MYO7A: variants seen among roughly 807,000 people sequenced by gnomAD.
MYO7A encodes the protein unconventional myosin-VIIa.
Under a neutral mutation model 263.8 loss-of-function variants are expected in MYO7A, and 210 were observed. The observed-to-expected ratio is 0.80, with a 90% CI of 0.71 to 0.89. MYO7A has a LOEUF of 0.89. Among genes scored for constraint, MYO7A ranks in the 40% least tolerant of loss-of-function variants. MYO7A has a pLI of 0.00. For synonymous variants in MYO7A, 1,239 were observed against 1,197.3 expected, an observed-to-expected ratio of 1.03 and a Z score of -0.72; for missense variants, 2,820 against 2,968.3, an observed-to-expected ratio of 0.95 and a Z score of 1.16.
Position 77,202,401 on chromosome 11 carries a change from GGAGTTT to G in MYO7A, c.5146_5151del (p.Glu1716_Phe1717del). On this transcript the variant is annotated inframe_deletion, in exon 37 of 49. Coordinates refer to ENST00000409709, the MANE Select transcript of MYO7A (RefSeq NM_000260.4). ...TGCGTGCCAAGCCCTACACGCTGGAGGAGTTTTCCTATGACTACTTCAGGTGATGCC... is the reference window on the plus strand; with the variant it reads ...TGCGTGCCAAGCCCTACACGCTGGAGTCCTATGACTACTTCAGGTGATGCC... 6.4e-7 allele frequency: 1 copy of G among 1,553,568 alleles called. No individual in the cohort carries two copies. The highest frequency in any genetic ancestry group is 8.7e-7 in the Non-Finnish European group (1 of 1,148,190).
Position 77,179,693 on chromosome 11 carries a change from A to G in MYO7A, c.2368-42A>G, listed in dbSNP as rs1452760229. The G allele has an allele frequency of 4.0e-6, 6 of 1,485,032 alleles. No homozygotes were observed. In the African/African-American group the frequency reaches 6.9e-5, roughly 17 times the overall value. 92.0% of individuals were successfully genotyped at this position (1,485,032 alleles called of 1,614,324 possible). ...CTCCTGCAGGCAGGGTCAGTCTGGA[A>G]TGGGACAGCAGGCTCTGAGCATGGG... On this transcript the variant is annotated intron_variant, in intron 20 of 48. Coordinates refer to ENST00000409709, the MANE Select transcript of MYO7A (RefSeq NM_000260.4).
At chr11:77,167,828 C>T (rs1040382055) in intron 15 of MYO7A, among the ~76,000 whole-genome samples, 7 of 152,264 alleles carry the variant, frequency 4.6e-5, no homozygotes, top group Admixed American at 3.3e-4. Flanking sequence ...TGGATGGTGG[C>T]CTCTCCCCTC....
Position 77,211,849 on chromosome 11 carries a change from C to A in MYO7A, c.6266C>A (p.Ala2089Glu). The change falls in exon 46 of 49, where the codon GCA (alanine) becomes GAA (glutamate). Residue 2089 changes from alanine (A) to glutamate (E), a missense_variant. Ala to Glu is a moderately radical substitution (Grantham distance 107). Transcript: ENST00000409709. ...RSIVAYFNKH[A>E]GKSKEEAKLA... ...ATCGTCGCCTACTTCAACAAGCACG[C>A]AGGGAAGTCCAAGGAGGAGGCCAAG... 1.2e-6 allele frequency: 2 copies of A among 1,613,974 alleles called. No individual in the cohort carries two copies. Among genetic ancestry groups the A allele is most frequent in the Non-Finnish European group, 1.7e-6 (2 of 1,179,852 alleles).
intron 46 of MYO7A, 32 bp from the exon 47 acceptor site, chr11:77,212,920 C>T: frequency 6.6e-7 from 1 of 1,504,926 alleles, no homozygotes. Flanking sequence ...GCTCTGGGCC[C>T]CCATCTGATG....
At chr11:77,149,048 C>G (rs944600047) in intron 4 of MYO7A, among the ~76,000 whole-genome samples, 1 of 152,226 alleles carries the variant, frequency 6.6e-6, no homozygotes, top group East Asian at 1.9e-4. Context: ...GGTCCACACC[C>G]TGACAACTGC....
At position 77,177,639 on chromosome 11, in the gene MYO7A, G is replaced by A. The variant is rs781858669; in HGVS notation, c.2278G>A (p.Asp760Asn). 3.1e-6 allele frequency: 5 copies of A among 1,608,028 alleles called. No individual in the cohort carries two copies. The highest frequency in any genetic ancestry group is 4.2e-6 in the Non-Finnish European group (5 of 1,177,504). Residue 760 changes from aspartate (D) to asparagine (N), a missense_variant, in exon 19 of 49, where the codon GAC (aspartate) becomes AAC (asparagine). Asp to Asn is a conservative substitution (Grantham distance 23, BLOSUM62 1). Coordinates refer to ENST00000409709, the MANE Select transcript of MYO7A (RefSeq NM_000260.4). Reference protein sequence around the residue: ...LLQKVIRGFKDRSNFLKLKNA... With the variant: ...LLQKVIRGFKNRSNFLKLKNA... ...TCAGAAAGTCATCCGGGGATTCAAA[G>A]ACAGGTGCGTGTTCCCACCAGCTCC...
In MYO7A at chr11:77,208,463, G is replaced by T; in HGVS notation, c.5890G>T (p.Asp1964Tyr). The change falls in exon 43 of 49, where the codon GAC becomes TAC. Residue 1964 changes from aspartate to tyrosine, a missense_variant. Physicochemically the swap from Asp to Tyr is radical, Grantham distance 160 (BLOSUM62 -3). Transcript: ENST00000409709. Reference sequence around the variant, plus strand: ...CGTTCCTGAGAATGACTTCTTCTTTGACTTTGTTCGACACTTGACAGACTG... The same window carrying T: ...CGTTCCTGAGAATGACTTCTTCTTTTACTTTGTTCGACACTTGACAGACTG... ...LSVPENDFFF[D>Y]FVRHLTDWIK... The T allele has an allele frequency of 6.2e-7, 1 of 1,613,700 alleles. No individual in the cohort carries two copies. Among genetic ancestry groups the T allele is most frequent in the South Asian group, 1.1e-5 (1 of 90,978 alleles).
intron 18 of MYO7A, 53 bp downstream of exon 18, chr11:77,175,517 GA>G: frequency 6.5e-7 from 1 of 1,536,212 alleles, no homozygotes. Flanking sequence ...AAATTCCCAT[GA>G]TGTGGGCTGG....
At chr11:77,155,323 G>A (rs1452025552) in intron 4 of MYO7A, among the ~76,000 whole-genome samples, 1 of 152,188 alleles carries the variant, frequency 6.6e-6, no homozygotes, top group Non-Finnish European at 1.5e-5. Context: ...ATGGCTGGAG[G>A]TGCTCTGTCC....
chr11:77,161,234 C>A, intron 12 of MYO7A, 119 bp downstream of exon 12: 1 of 1,273,208 alleles, frequency 7.9e-7, no homozygotes, highest in Non-Finnish European at 1.1e-6. Context: ...CCAGGCTGTT[C>A]CGTCATCACG....
chr11:77,199,751 C>A lies in MYO7A; in HGVS notation c.4785C>A (p.Val1595=). 1 of 1,613,208 alleles carries A rather than the reference C, an allele frequency of 6.2e-7. No individual in the cohort carries two copies. The highest frequency in any genetic ancestry group is 1.1e-5 in the South Asian group (1 of 90,970). ...CTGAGGACATTCGTGACCTGGTGGT[C>A]ACCTTCCTAGAGGGGCTCCGGAAGA... ...SNAEDIRDLV[V]TFLEGLRKRS... is the part of the protein sequence containing the mutation. Residue 1595 remains valine (V), a synonymous_variant, in exon 35 of 49, where the codon GTC becomes GTA. Coordinates refer to ENST00000409709, the MANE Select transcript of MYO7A (RefSeq NM_000260.4).
rs376348438 is a variant in MYO7A, at chr11:77,158,397, G to T, written c.970G>T (p.Ala324Ser). The T allele has an allele frequency of 5.4e-5, 87 of 1,612,662 alleles. No individual in the cohort carries two copies. In the Middle Eastern group the frequency reaches 1.2e-3, roughly 21 times the overall value. ...ENWEISKLLA[A>S]ILHLGNLQYE... ...CTGGGAGATCTCGAAGCTCCTGGCT[G>T]CCATCCTGCACCTGGGCAACCTGCA... The change falls in exon 9 of 49, where the codon GCC becomes TCC. Residue 324 changes from alanine to serine, a missense_variant. Ala to Ser is a moderately conservative substitution (Grantham distance 99). Transcript: ENST00000409709.
rs375379370 is a variant in MYO7A, at chr11:77,177,611, C to T, written c.2250C>T (p.Leu750=). ...AAGCCATCACCGACAGAGTCATCCTCCTTCAGAAAGTCATCCGGGGATTCA... is the reference window on the plus strand; with the variant it reads ...AAGCCATCACCGACAGAGTCATCCTTCTTCAGAAAGTCATCCGGGGATTCA... The part of the protein sequence containing the change: ...RDKAITDRVI[L]LQKVIRGFKD... Residue 750 remains leucine, a synonymous_variant, in exon 19 of 49, where the codon CTC becomes CTT. Transcript: ENST00000409709. 1 of 1,611,746 alleles carries T rather than the reference C, an allele frequency of 6.2e-7. No homozygotes were observed. The highest frequency in any genetic ancestry group is 1.3e-5 in the African/African-American group (1 of 74,892).
Position 77,172,771 on chromosome 11 carries a change from G to T in MYO7A, c.1821G>T (p.Ser607=). ...VAMGAETRKR[S]PTLSSQFKRS... ...AGGGCGCCGAGACCAGGAAGCGCTCGCCCACACTTAGCAGCCAGTTCAAGC... is the reference window on the plus strand; with the variant it reads ...AGGGCGCCGAGACCAGGAAGCGCTCTCCCACACTTAGCAGCCAGTTCAAGC... Residue 607 remains serine (S), a synonymous_variant, in exon 16 of 49, where the codon TCG becomes TCT. Transcript: ENST00000409709. The T allele has an allele frequency of 1.3e-6, 2 of 1,559,120 alleles. No individual in the cohort carries two copies. The highest frequency in any genetic ancestry group is 1.9e-5 in the Admixed American group (1 of 52,250).
intron 13 of MYO7A, 99 bp downstream of exon 13, chr11:77,162,429 T>A: frequency 2.6e-6 from 3 of 1,169,492 alleles, no homozygotes; most frequent in Non-Finnish European, 3.7e-6. Flanking sequence ...ATAGGACTAA[T>A]GATACCCACC....
rs782727289 is a variant in MYO7A at position 77,130,669 on chromosome 11, C to T, written c.18+17C>T. The T allele has an allele frequency of 3.1e-6, 5 of 1,612,546 alleles. No homozygotes were observed. Among genetic ancestry groups the T allele is most frequent in the Non-Finnish European group, 4.2e-6 (5 of 1,179,454 alleles). On this transcript the variant is annotated intron_variant, in intron 2 of 48. Transcript: ENST00000409709. ...CTTCAGCAGGTCAGTGTTCCCACCT[C>T]TTTGGGTGGCCTGTCCTCCCCAGGC...
At chr11:77,149,177 G>A (rs1035292722) in intron 4 of MYO7A, among the ~76,000 whole-genome samples, 188 of 152,276 alleles carry the variant, frequency 1.2e-3, no homozygotes, top group African/African-American at 4.1e-3. Context: ...CCATCCTCCC[G>A]CAGCCCAAGG....
intron 24 of MYO7A, 73 bp from the exon 25 acceptor site, chr11:77,182,351 A>C: frequency 6.7e-7 from 1 of 1,502,730 alleles, no homozygotes; most frequent in Non-Finnish European, 8.9e-7. Flanking sequence ...CCCACTCCCC[A>C]AACCGCCAGG....
chr11:77,206,328 G>A (rs912997121), intron 41 of MYO7A, 126 bp downstream of exon 41: 37 of 710,940 alleles, frequency 5.2e-5, no homozygotes, highest in African/African-American at 2.0e-4. Flanking sequence ...CTCCTGCCCC[G>A]TAGTGGAGTC....
Sources: allele counts gnomAD v4.1 joint callset (sites outside exome capture counted in the v4.1 genomes callset), GRCh38; gene constraint gnomAD v4.1.1; transcripts MANE v1.5; gene names NCBI Gene and HGNC (gene_info 2026-07-23, HGNC 2026-07-21).